MAPKAP1: variants seen among roughly 807,000 people sequenced by gnomAD.
The protein encoded by MAPKAP1 is target of rapamycin complex 2 subunit MAPKAP1.
Under a neutral mutation model 65.7 loss-of-function variants are expected in MAPKAP1, and 20 were observed. That is an observed-to-expected ratio of 0.30 (90% CI 0.21 to 0.44). The LOEUF is 0.44. MAPKAP1 is among the 20% of genes least tolerant of loss of function. The probability of loss-of-function intolerance (pLI) is 1.00; values close to 1 mark genes in which losing one functional copy is unlikely to be tolerated. For missense variants in MAPKAP1, 423 were observed against 648.0 expected (o/e 0.65, Z 3.77); for synonymous variants, 222 against 244.3 (o/e 0.91, Z 0.85).
intron 4 of MAPKAP1, among the ~76,000 whole-genome samples, chr9:125,587,221 C>A (rs2131582636): frequency 6.6e-6 from 1 of 152,226 alleles, no homozygotes. Flanking sequence ...AATATGACAC[C>A]AAAAGCATAA....
At chr9:125,506,051 G>C in intron 8 of MAPKAP1, 1 of 499,750 alleles carries the variant, frequency 2.0e-6, no homozygotes, top group Non-Finnish European at 3.6e-6. Context: ...TTCCAGGGAT[G>C]CTCCCAACTT....
intron 5 of MAPKAP1, among the ~76,000 whole-genome samples, chr9:125,584,670 G>A (rs562274649): frequency 1.4e-4 from 22 of 152,160 alleles, no homozygotes; most frequent in South Asian, 6.2e-4. Context: ...CAGGTGATCC[G>A]CCCACCTCAG....
At chr9:125,627,585 C>T in intron 4 of MAPKAP1, among the ~76,000 whole-genome samples, 1 of 152,080 alleles carries the variant, frequency 6.6e-6, no homozygotes, top group East Asian at 1.9e-4. Context: ...GCACACTTCA[C>T]CTAACTCTTT....
Position 125,596,206 on chromosome 9 carries a change from T to TG in MAPKAP1, c.499-10480dup, listed in dbSNP as rs1292042913. ...CACAATTGTGAAGTTAGGAAAGCTCTGTCAAAGCAAGAGATGGCTAATACT... is the reference window on the plus strand; with the variant it reads ...CACAATTGTGAAGTTAGGAAAGCTCTGGTCAAAGCAAGAGATGGCTAATACT... On this transcript the variant is annotated intron_variant, in intron 4 of 11. Coordinates refer to ENST00000265960, the MANE Select transcript of MAPKAP1 (RefSeq NM_001006617.3). 5.2e-6 allele frequency: 4 copies of TG among 767,544 alleles called. No individual in the cohort carries two copies. In the Admixed American group the frequency reaches 6.8e-5, roughly 13 times the overall value. The allele number at this position is 767,544 out of a possible 1,614,324, so 47.5% of individuals were successfully genotyped here.
At chr9:125,673,818 T>G (rs1834564891) in intron 1 of MAPKAP1, among the ~76,000 whole-genome samples, 1 of 152,070 alleles carries the variant, frequency 6.6e-6, no homozygotes. Flanking sequence ...GGGACATGCC[T>G]GTAGTCATAG....
rs1832119772 is a variant in MAPKAP1, at chr9:125,596,187, T to A, written c.499-10460A>T. ...ACACCATACTGTGAATGGCCACAATTGTGAAGTTAGGAAAGCTCTGTCAAA... is the reference window on the plus strand; with the variant it reads ...ACACCATACTGTGAATGGCCACAATAGTGAAGTTAGGAAAGCTCTGTCAAA... On this transcript the variant is annotated intron_variant, in intron 4 of 11. Coordinates refer to ENST00000265960, the MANE Select transcript of MAPKAP1 (RefSeq NM_001006617.3). 3 of 768,158 alleles carry A rather than the reference T, an allele frequency of 3.9e-6. No individual in the cohort carries two copies. The East Asian group carries it at 7.3e-5, about 19-fold the overall frequency. The allele number at this position is 768,158 out of a possible 1,614,324, so 47.6% of individuals were successfully genotyped here. A position where few individuals can be genotyped will look rare whatever the true frequency, so the allele number is the denominator to read the frequency against.
intron 1 of MAPKAP1, among the ~76,000 whole-genome samples, chr9:125,693,688 TATATATAC>T (rs1835270317): frequency 1.5e-5 from 2 of 132,224 alleles, no homozygotes; most frequent in South Asian, 4.7e-4. Context: ...TATATACACG[TATATATAC>T]ACGTATATAT....
At chr9:125,693,846 T>TATACACACACACACACAC (rs10646202) in intron 1 of MAPKAP1, among the ~76,000 whole-genome samples, 8 of 135,548 alleles carry the variant, frequency 5.9e-5, no homozygotes, top group African/African-American at 1.4e-4. Context: ...TATACACACA[T>TATACACACACACACACAC]ACACACACAC....
chr9:125,524,543 C>T (rs1272428741), intron 7 of MAPKAP1, among the ~76,000 whole-genome samples: 1 of 152,162 alleles, frequency 6.6e-6, no homozygotes, highest in Non-Finnish European at 1.5e-5. Flanking sequence ...GACTTACAAC[C>T]GAACATGTTG....
At chr9:125,542,962 A>T (rs545554204) in intron 7 of MAPKAP1, 97 bp downstream of exon 7, 20 of 874,416 alleles carry the variant, frequency 2.3e-5, no homozygotes, top group Non-Finnish European at 4.0e-5. Flanking sequence ...ATGACATCTG[A>T]AAGAATCTAG....
rs147081800 is a variant in MAPKAP1 at position 125,664,112 on chromosome 9, C to T, written c.349+5706G>A. On this transcript the variant is annotated intron_variant, in intron 3 of 11. Coordinates refer to ENST00000265960, the MANE Select transcript of MAPKAP1 (RefSeq NM_001006617.3). The stretch of plus-strand genomic sequence containing the variant: ...CTGTAATCCCAGCACTCTGGGAGGC[C>T]GAGGAGGGTGGATTACCTGATGTCA... Among the ~76,000 whole-genome samples, 284 of 152,034 alleles carry T rather than the reference C, an allele frequency of 1.9e-3. 1 individual carries two copies. The highest frequency in any genetic ancestry group is 6.2e-3 in the African/African-American group (256 of 41,470).
intron 11 of MAPKAP1, among the ~76,000 whole-genome samples, chr9:125,442,076 C>T (rs1223565803): frequency 7.9e-6 from 1 of 127,352 alleles, no homozygotes; most frequent in East Asian, 2.4e-4. Flanking sequence ...TTGCAGTGTG[C>T]AGAGATCACA....
chr9:125,537,630 T>A (rs901516673), intron 7 of MAPKAP1, among the ~76,000 whole-genome samples: 2 of 152,198 alleles, frequency 1.3e-5, no homozygotes, highest in African/African-American at 2.4e-5. Context: ...TACACGCATG[T>A]GCCACCATGC....
chr9:125,637,516 A>G (rs1411652192), intron 4 of MAPKAP1, among the ~76,000 whole-genome samples: 1 of 152,188 alleles, frequency 6.6e-6, no homozygotes, highest in East Asian at 1.9e-4. Flanking sequence ...GACTCAGGAT[A>G]ACAGAAGATT....
chr9:125,685,445 G>A (rs1301370919), intron 1 of MAPKAP1, among the ~76,000 whole-genome samples: 1 of 152,208 alleles, frequency 6.6e-6, no homozygotes, highest in Non-Finnish European at 1.5e-5. Context: ...GGAGCAAGTA[G>A]TAGATAATAA....
intron 11 of MAPKAP1, among the ~76,000 whole-genome samples, chr9:125,442,128 C>CCA (rs1554801130): frequency 1.0e-4 from 4 of 38,760 alleles, no homozygotes; most frequent in African/African-American, 3.8e-4. Flanking sequence ...GACTCTGTCT[C>CCA]AAAAAAAAAA....
chr9:125,616,921 G>C (rs772598694), intron 4 of MAPKAP1, among the ~76,000 whole-genome samples: 13 of 152,114 alleles, frequency 8.5e-5, no homozygotes, highest in African/African-American at 9.7e-5. Context: ...AAATAGAATT[G>C]ATTAGAATAA....
intron 1 of MAPKAP1, among the ~76,000 whole-genome samples, chr9:125,702,476 G>A (rs1835630637): frequency 6.6e-6 from 1 of 152,098 alleles, no homozygotes; most frequent in African/African-American, 2.4e-5. Context: ...GGAGGTTGCA[G>A]TGAGTCAAGA....
chr9:125,608,396 C>T (rs999041519), intron 4 of MAPKAP1, among the ~76,000 whole-genome samples: 1 of 152,164 alleles, frequency 6.6e-6, no homozygotes, highest in African/African-American at 2.4e-5. Context: ...ACAGTGGATG[C>T]TCTGAATCCA....
Sources: gnomAD v4.1 joint callset for allele counts (sites outside exome capture counted in the v4.1 genomes callset) on GRCh38, gnomAD v4.1.1 for gene constraint, MANE v1.5 for transcripts, NCBI Gene and HGNC (gene_info 2026-07-23, HGNC 2026-07-21) for gene names.